The following ABCD2 variants were observed in gnomAD, a reference collection of about 807,000 sequenced individuals.
ABCD2 encodes the protein ATP binding cassette subfamily D member 2, also known as ATP-binding cassette sub-family D member 2.
Under a neutral mutation model 70.9 loss-of-function variants are expected in ABCD2, and 36 were observed. That is an observed-to-expected ratio of 0.51 (90% CI 0.39 to 0.67). The LOEUF is 0.67. ABCD2 is among the 30% of genes least tolerant of loss of function. The pLI is 0.00. For missense variants in ABCD2, 729 were observed against 890.2 expected (o/e 0.82, Z 2.30); for synonymous variants, 304 against 306.9 (o/e 0.99, Z 0.10).
At chr12:39,585,134 G>A (rs910790461) in intron 7 of ABCD2, among the ~76,000 whole-genome samples, 1 of 152,132 alleles carries the variant, frequency 6.6e-6, no homozygotes, top group African/African-American at 2.4e-5. Context: ...TAATGATATT[G>A]ATTCTTCCTA....
intron 5 of ABCD2, 132 bp downstream of exon 5, chr12:39,603,780 C>T: frequency 1.9e-6 from 1 of 531,892 alleles, no homozygotes; most frequent in East Asian, 3.1e-5. Flanking sequence ...GTAATTGAGC[C>T]ACTGTGCATA....
chr12:39,568,693 G>A (rs951190590), intron 9 of ABCD2, among the ~76,000 whole-genome samples: 52 of 152,328 alleles, frequency 3.4e-4, no homozygotes, highest in African/African-American at 1.1e-3. Flanking sequence ...TTTGGAGGAG[G>A]AGAGGTGCTC....
Position 39,600,636 on chromosome 12 carries a change from G to A in ABCD2, c.1581C>T (p.Leu527=). 6.2e-7 allele frequency: 1 copy of A among 1,613,032 alleles called. No homozygotes were observed. Among genetic ancestry groups the A allele is most frequent in the Non-Finnish European group, 8.5e-7 (1 of 1,179,380 alleles). The change falls in exon 6 of 10, where the codon CTC becomes CTT. Residue 527 remains leucine (L), a synonymous_variant. Coordinates refer to ENST00000308666, the MANE Select transcript of ABCD2 (RefSeq NM_005164.4). Reference sequence around the variant, plus strand: ...AGAGGACTCCTTCATACACAGGCCAGAGCCCACTTAGAATTCTGAAGAGAG... The same window carrying A: ...AGAGGACTCCTTCATACACAGGCCAAAGCCCACTTAGAATTCTGAAGAGAG... ...KSSLFRILSG[L]WPVYEGVLYK...
chr12:39,543,012 G>A, the ABCD2 span, among the ~76,000 whole-genome samples: 29 of 152,254 alleles, frequency 1.9e-4, no homozygotes, highest in South Asian at 2.1e-4. Context: ...ATTTTACCTC[G>A]AAGAGTGACT....
the ABCD2 span, among the ~76,000 whole-genome samples, chr12:39,535,616 A>C: frequency 1.3e-5 from 2 of 152,206 alleles, no homozygotes; most frequent in African/African-American, 4.8e-5. Flanking sequence ...ATCTTAGATA[A>C]ATTTTTTTTG....
the ABCD2 span, among the ~76,000 whole-genome samples, chr12:39,536,755 T>C: frequency 3.9e-5 from 6 of 152,128 alleles, no homozygotes; most frequent in Non-Finnish European, 7.3e-5. Context: ...AATGTTTACT[T>C]TTCATTTTAT....
chr12:39,592,851 A>T (rs1266138963), intron 6 of ABCD2, among the ~76,000 whole-genome samples: 2 of 152,220 alleles, frequency 1.3e-5, no homozygotes, highest in Non-Finnish European at 2.9e-5. Context: ...TTCATTAAGA[A>T]TTGACAGGTC....
the ABCD2 span, among the ~76,000 whole-genome samples, chr12:39,534,747 G>GGGAAGAAAGAAAGAGAAAGA: frequency 1.2e-5 from 1 of 84,860 alleles, no homozygotes. Context: ...AAGGAAGGAA[G>GGGAAGAAAGAAAGAGAAAGA]GAAAGAAAGA....
intron 2 of ABCD2, among the ~76,000 whole-genome samples, chr12:39,609,416 T>C (rs552490197): frequency 6.6e-6 from 1 of 152,340 alleles, no homozygotes; most frequent in South Asian, 2.1e-4. Context: ...GAAAACCGAA[T>C]AAAGCGTTAG....
chr12:39,606,706 C>A (rs1941974240), intron 3 of ABCD2, among the ~76,000 whole-genome samples: 1 of 152,084 alleles, frequency 6.6e-6, no homozygotes, highest in Non-Finnish European at 1.5e-5. Context: ...GCTAAATTTA[C>A]AAAGATGCTT....
chr12:39,556,659 C>T (rs1384239848), intron 9 of ABCD2, among the ~76,000 whole-genome samples: 4 of 152,094 alleles, frequency 2.6e-5, no homozygotes, highest in South Asian at 4.1e-4. Flanking sequence ...CAGACTAATA[C>T]AGTAAATTGG....
At chr12:39,603,085 T>G (rs1440607111) in intron 5 of ABCD2, among the ~76,000 whole-genome samples, 1 of 152,122 alleles carries the variant, frequency 6.6e-6, no homozygotes, top group African/African-American at 2.4e-5. Context: ...TCAATGCTAC[T>G]CATCCTCTCA....
chr12:39,602,256 G>T (rs548215998), intron 5 of ABCD2, among the ~76,000 whole-genome samples: 166 of 151,672 alleles, frequency 1.1e-3, no homozygotes, highest in African/African-American at 3.7e-3. Flanking sequence ...GGGTTCAAGC[G>T]ATTCTTGTGC....
intron 2 of ABCD2, among the ~76,000 whole-genome samples, chr12:39,613,400 A>C (rs1037770888): frequency 1.2e-5 from 1 of 86,152 alleles, no homozygotes; most frequent in African/African-American, 8.8e-5. Flanking sequence ...AAAAAAAAAA[A>C]AAAAAAAAAA....
intron 3 of ABCD2, among the ~76,000 whole-genome samples, chr12:39,606,321 G>A (rs775693466): frequency 1.3e-5 from 2 of 152,174 alleles, no homozygotes; most frequent in Non-Finnish European, 2.9e-5. Flanking sequence ...TCTGGTGCTA[G>A]CAGAGAAGGC....
At chr12:39,559,013 TTATGA>T (rs998727685) in intron 9 of ABCD2, among the ~76,000 whole-genome samples, 2 of 151,996 alleles carry the variant, frequency 1.3e-5, no homozygotes, top group Admixed American at 6.6e-5. Flanking sequence ...ACTTGCAAAC[TTATGA>T]TATGAAGAAA....
chr12:39,592,268 A>T (rs938627205), intron 6 of ABCD2, among the ~76,000 whole-genome samples: 3 of 152,240 alleles, frequency 2.0e-5, no homozygotes, highest in African/African-American at 7.2e-5. Context: ...AAAAAAGGAC[A>T]TGTTAAATGA....
the ABCD2 span, among the ~76,000 whole-genome samples, chr12:39,540,491 C>T: frequency 6.6e-6 from 1 of 152,112 alleles, no homozygotes; most frequent in East Asian, 1.9e-4. Context: ...CAAAGCTATC[C>T]TTTGTGGGAA....
chr12:39,619,366 A>C lies in ABCD2; in HGVS notation c.250T>G (p.Phe84Val). The C allele has an allele frequency of 6.2e-7, 1 of 1,613,952 alleles. No individual in the cohort carries two copies. Among genetic ancestry groups the C allele is most frequent in the East Asian group, 2.2e-5 (1 of 44,832 alleles). The change falls in exon 1 of 10, where the codon TTC becomes GTC. Residue 84 changes from phenylalanine (F) to valine (V), a missense_variant. Physicochemically the swap from Phe to Val is conservative, Grantham distance 50. Coordinates refer to ENST00000308666, the MANE Select transcript of ABCD2 (RefSeq NM_005164.4). ...CGAAGTTCTAGTAGCTGTTTGAAGAAATCTGCATTCACTCCAGGCGAAGGT... is the reference window on the plus strand; with the variant it reads ...CGAAGTTCTAGTAGCTGTTTGAAGACATCTGCATTCACTCCAGGCGAAGGT... ...EKPSPGVNADFFKQLLELRKI... is the reference protein window; with the variant it reads ...EKPSPGVNADVFKQLLELRKI...
Sources: gnomAD v4.1 joint callset for allele counts (sites outside exome capture counted in the v4.1 genomes callset) on GRCh38, gnomAD v4.1.1 for gene constraint, MANE v1.5 for transcripts, NCBI Gene and HGNC (gene_info 2026-07-23, HGNC 2026-07-21) for gene names.